Variants in THSD7B observed in about 807,000 individuals in gnomAD.
The protein encoded by THSD7B is thrombospondin type-1 domain-containing protein 7B.
In THSD7B, 138 loss-of-function variants were observed where a neutral mutation model predicts 213.6. That is an observed-to-expected ratio of 0.65 (90% CI 0.56 to 0.74). The LOEUF (loss-of-function observed/expected upper bound fraction) is 0.74, where lower values mean the gene tolerates loss of function less well. THSD7B is among the 30% of genes least tolerant of loss of function. The pLI, the probability that THSD7B is intolerant of heterozygous loss-of-function variation, is 0.00. For synonymous variants in THSD7B, 742 were observed against 687.0 expected, an observed-to-expected ratio of 1.08 and a Z score of -1.25; for missense variants, 1,931 against 1,991.5, an observed-to-expected ratio of 0.97 and a Z score of 0.58.
chr2:136,909,801 A>T (rs1684227491), intron 2 of THSD7B, among the ~76,000 whole-genome samples: 1 of 152,210 alleles, frequency 6.6e-6, no homozygotes, highest in Admixed American at 6.5e-5. Flanking sequence ...TGGCCAGACT[A>T]CTTACATTCT....
chr2:137,260,394 G>T (rs1464330532), intron 10 of THSD7B, among the ~76,000 whole-genome samples: 1 of 152,074 alleles, frequency 6.6e-6, no homozygotes, highest in East Asian at 1.9e-4. Context: ...AACAAGGTAG[G>T]TCATATACTG....
chr2:136,824,812 C>T (rs960094060), intron 1 of THSD7B, among the ~76,000 whole-genome samples: 1 of 152,176 alleles, frequency 6.6e-6, no homozygotes, highest in Non-Finnish European at 1.5e-5. Flanking sequence ...ATTAACTTGC[C>T]TAGCAGTTGG....
At chr2:137,657,797 C>T (rs1238888840) in intron 24 of THSD7B, among the ~76,000 whole-genome samples, 2 of 152,210 alleles carry the variant, frequency 1.3e-5, no homozygotes, top group East Asian at 1.9e-4. Context: ...TCACTGCAAC[C>T]TCTGCCTCCC....
chr2:136,837,312 G>C (rs1444347059), intron 1 of THSD7B, among the ~76,000 whole-genome samples: 2 of 151,984 alleles, frequency 1.3e-5, no homozygotes, highest in Non-Finnish European at 2.9e-5. Flanking sequence ...CTCTCCTTCT[G>C]CACTTACCTC....
intron 2 of THSD7B, among the ~76,000 whole-genome samples, chr2:137,031,876 C>T (rs1490133346): frequency 1.4e-5 from 2 of 144,378 alleles, no homozygotes; most frequent in African/African-American, 5.1e-5. Context: ...AGGTTTTGCT[C>T]TGTCACCCAG....
intron 12 of THSD7B, among the ~76,000 whole-genome samples, chr2:137,399,150 A>G (rs188628945): frequency 2.4e-4 from 36 of 151,260 alleles, no homozygotes; most frequent in African/African-American, 8.2e-4. Flanking sequence ...TGGGAGCTGT[A>G]GACTGGAGCT....
chr2:136,963,570 G>A (rs1229571996), intron 2 of THSD7B, among the ~76,000 whole-genome samples: 3 of 152,202 alleles, frequency 2.0e-5, no homozygotes, highest in African/African-American at 7.2e-5. Context: ...CCTGAGCCCA[G>A]AAGTTCAAGG....
chr2:136,803,326 G>A (rs1254999283), intron 1 of THSD7B, among the ~76,000 whole-genome samples: 1 of 152,086 alleles, frequency 6.6e-6, no homozygotes, highest in Non-Finnish European at 1.5e-5. Flanking sequence ...TAAATTTGAT[G>A]CTGACCTTCC....
intron 3 of THSD7B, among the ~76,000 whole-genome samples, chr2:137,079,990 C>T (rs1687709497): frequency 6.6e-6 from 1 of 151,950 alleles, no homozygotes. Flanking sequence ...CAGGCACGCA[C>T]CACCACTCTC....
At chr2:137,172,023 TTGTGGTAACATA>T (rs1680263378) in intron 7 of THSD7B, among the ~76,000 whole-genome samples, 1 of 152,224 alleles carries the variant, frequency 6.6e-6, no homozygotes, top group Admixed American at 6.5e-5. Context: ...AATTTTTGAA[TTGTGGTAACATA>T]TGTGCAATTT....
intron 2 of THSD7B, among the ~76,000 whole-genome samples, chr2:136,945,975 T>C (rs2105065958): frequency 6.6e-6 from 1 of 152,346 alleles, no homozygotes; most frequent in East Asian, 1.9e-4. Context: ...CTTGTCGAAG[T>C]CATTCTCCGT....
chr2:136,934,927 G>C (rs570522601), intron 2 of THSD7B, among the ~76,000 whole-genome samples: 1 of 148,710 alleles, frequency 6.7e-6, no homozygotes, highest in African/African-American at 2.4e-5. Flanking sequence ...AATCATTTAA[G>C]AATTTTAGCA....
intron 17 of THSD7B, among the ~76,000 whole-genome samples, chr2:137,609,556 G>C (rs1011260728): frequency 2.0e-5 from 3 of 152,178 alleles, no homozygotes; most frequent in East Asian, 3.9e-4. Context: ...GGTGAATGAG[G>C]TGTAGGCAGA....
chr2:137,109,263 C>T (rs1296010016), intron 4 of THSD7B, among the ~76,000 whole-genome samples: 2 of 152,156 alleles, frequency 1.3e-5, no homozygotes, highest in Non-Finnish European at 2.9e-5. Flanking sequence ...TACCATTCTT[C>T]CCAAAATTGT....
intron 5 of THSD7B, among the ~76,000 whole-genome samples, chr2:137,118,347 C>G (rs1688481561): frequency 6.6e-6 from 1 of 152,074 alleles, no homozygotes. Flanking sequence ...AATGCACTTT[C>G]AAAATCTAAT....
intron 12 of THSD7B, among the ~76,000 whole-genome samples, chr2:137,392,144 G>T (rs1351449583): frequency 1.3e-5 from 2 of 152,098 alleles, no homozygotes; most frequent in East Asian, 3.8e-4. Context: ...AAAATTTGTT[G>T]AGGCTTGTTT....
At chr2:137,046,206 A>G (rs1686967004) in intron 2 of THSD7B, among the ~76,000 whole-genome samples, 1 of 152,178 alleles carries the variant, frequency 6.6e-6, no homozygotes, top group South Asian at 2.1e-4. Flanking sequence ...TAGAGTAGTG[A>G]ATAGGTTGAA....
At chr2:137,507,559 A>AGGGC (rs1362705991) in intron 15 of THSD7B, among the ~76,000 whole-genome samples, 2 of 152,228 alleles carry the variant, frequency 1.3e-5, no homozygotes, top group African/African-American at 4.8e-5. Flanking sequence ...GATTGTAATA[A>AGGGC]GGGCCTGAAT....
chr2:137,447,498 A>C (rs1450617713), intron 14 of THSD7B, among the ~76,000 whole-genome samples: 1 of 152,172 alleles, frequency 6.6e-6, no homozygotes, highest in Non-Finnish European at 1.5e-5. Flanking sequence ...CTATAAAATG[A>C]AGTAATGTTG....
Sources: allele counts gnomAD v4.1 joint callset (sites outside exome capture counted in the v4.1 genomes callset), GRCh38; gene constraint gnomAD v4.1.1; transcripts MANE v1.5; gene names NCBI Gene and HGNC (gene_info 2026-07-23, HGNC 2026-07-21).